PPP4R2: variants seen among roughly 807,000 people sequenced by gnomAD.
PPP4R2 encodes protein phosphatase 4 regulatory subunit 2, also known as serine/threonine-protein phosphatase 4 regulatory subunit 2.
Under a neutral mutation model 47.2 loss-of-function variants are expected in PPP4R2, and 13 were observed. That is an observed-to-expected ratio of 0.28 (90% confidence interval 0.18 to 0.44). The LOEUF is 0.44. Ranked by LOEUF, PPP4R2 falls within the 20% of genes least tolerant of loss-of-function variation. PPP4R2 has a pLI of 1.00. For missense variants in PPP4R2, 421 were observed against 491.2 expected (o/e 0.86, Z 1.35); for synonymous variants, 151 against 163.3 (o/e 0.92, Z 0.57).
At chr3:73,060,933 C>G (rs1702845249) in intron 4 of PPP4R2, 90 bp from the exon 5 acceptor site, 1 of 814,404 alleles carries the variant, frequency 1.2e-6, no homozygotes, top group Non-Finnish European at 1.9e-6. Context: ...GGGAATTTAA[C>G]CCACCAGAGT....
chr3:73,015,574 C>T (rs1415766215), intron 2 of PPP4R2, among the ~76,000 whole-genome samples: 1 of 150,918 alleles, frequency 6.6e-6, no homozygotes, highest in Admixed American at 6.6e-5. Flanking sequence ...CTCCCTGGTT[C>T]GAGCGATTCT....
chr3:73,020,010 A>G lies in PPP4R2; in HGVS notation c.116+21852A>G, dbSNP rs146385507. 1.0e-3 allele frequency among the ~76,000 whole-genome samples: 153 copies of G among 152,314 alleles called. No individual in the cohort carries two copies. In the East Asian group the frequency reaches 0.02, roughly 19 times the overall value. ...TTGTTTTATCATTATTTCCTTCTGC[A>G]TCATATGTCACGATTTCTTCAAAAT... On this transcript the variant is annotated intron_variant, in intron 2 of 8. Transcript: ENST00000356692.
intron 2 of PPP4R2, among the ~76,000 whole-genome samples, chr3:73,021,900 A>T (rs866473937): frequency 0.013 from 1,548 of 114,768 alleles, 24 homozygotes; most frequent in Non-Finnish European, 0.017. Context: ...ATATATATAT[A>T]TTTTTTTTTT....
intron 2 of PPP4R2, among the ~76,000 whole-genome samples, chr3:73,012,072 A>G (rs776220304): frequency 3.3e-5 from 5 of 152,180 alleles, no homozygotes; most frequent in Admixed American, 6.6e-5. Context: ...TATGTGGGTG[A>G]TTGGTTCCAG....
rs73838450 is a variant in PPP4R2, at chr3:73,038,345, A to G, written c.117-8841A>G. ...GGGAGGAGTCTATGTTGGTATAGTA[A>G]TAGATTCTAGGGACATTTTTTTTTC... is the stretch of plus-strand genomic sequence containing the variant. On this transcript the variant is annotated intron_variant, in intron 2 of 8. Transcript: ENST00000356692. Among the ~76,000 whole-genome samples the G allele has an allele frequency of 6.9e-3, 1,047 of 152,180 alleles. 10 individuals are homozygous for G. The highest frequency in any genetic ancestry group is 0.024 in the African/African-American group (985 of 41,510).
intron 2 of PPP4R2, among the ~76,000 whole-genome samples, chr3:73,034,341 G>T (rs1377200384): frequency 4.6e-5 from 7 of 152,064 alleles, no homozygotes; most frequent in Non-Finnish European, 1.0e-4. Context: ...TATAGTTTTT[G>T]TGTGTGTAGA....
intron 5 of PPP4R2, chr3:73,063,082 C>T (rs1294504954): frequency 1.6e-6 from 1 of 621,858 alleles, no homozygotes; most frequent in South Asian, 2.3e-5. Context: ...ACTTTGCCAC[C>T]CCATTATTGG....
rs374447067 is a variant in PPP4R2, at chr3:73,060,330, T to C, written c.382-693T>C. Among the ~76,000 whole-genome samples the C allele has an allele frequency of 7.2e-5, 11 of 152,320 alleles. 1 individual carries two copies. The highest frequency in any genetic ancestry group is 2.6e-4 in the African/African-American group (11 of 41,568). ...GCTCCAGGAGTTGTAATAATTACATTTTGGAGATTTTCAGATAAAGTAGCA... is the reference window on the plus strand; with the variant it reads ...GCTCCAGGAGTTGTAATAATTACATCTTGGAGATTTTCAGATAAAGTAGCA... On this transcript the variant is annotated intron_variant, in intron 4 of 8. Coordinates refer to ENST00000356692, the MANE Select transcript of PPP4R2 (RefSeq NM_174907.4).
rs752008242 is a variant in PPP4R2 at position 73,016,729 on chromosome 3, G to GTTTCTTT, written c.116+18574_116+18575insCTTTTTT. 2.5e-3 allele frequency among the ~76,000 whole-genome samples: 172 copies of GTTTCTTT among 69,868 alleles called. 39 individuals are homozygous for GTTTCTTT. Among genetic ancestry groups the GTTTCTTT allele is most frequent in the African/African-American group, 6.7e-3 (99 of 14,794 alleles). The allele number at this position is 69,868 out of a possible 152,430, so 45.8% of individuals were successfully genotyped here. ...TGTTAACTAGCTTTATTGGTTCATTGTTTATTTTTATTATTTTTTTTTTTT... is the reference window on the plus strand; with the variant it reads ...TGTTAACTAGCTTTATTGGTTCATTGTTTCTTTTTTATTTTTATTATTTTTTTTTTTT... On this transcript the variant is annotated intron_variant, in intron 2 of 8. Transcript: ENST00000356692.
intron 2 of PPP4R2, among the ~76,000 whole-genome samples, chr3:73,011,664 A>T (rs1012298189): frequency 6.6e-6 from 1 of 152,130 alleles, no homozygotes; most frequent in African/African-American, 2.4e-5. Context: ...TACCCTTAAC[A>T]TTTGTAATTT....
At chr3:73,015,416 A>C (rs1701806015) in intron 2 of PPP4R2, among the ~76,000 whole-genome samples, 1 of 151,042 alleles carries the variant, frequency 6.6e-6, no homozygotes, top group Non-Finnish European at 1.5e-5. Context: ...GCCTCAAGTA[A>C]TCCACCCGCG....
chr3:73,035,814 C>T (rs368819540), intron 2 of PPP4R2, among the ~76,000 whole-genome samples: 5 of 151,964 alleles, frequency 3.3e-5, no homozygotes, highest in East Asian at 1.9e-4. Context: ...TTAGTAGAGA[C>T]GGGCTTTCAC....
intron 3 of PPP4R2, among the ~76,000 whole-genome samples, chr3:73,052,233 A>G (rs1433435588): frequency 8.5e-6 from 1 of 117,776 alleles, no homozygotes; most frequent in Non-Finnish European, 1.8e-5. Flanking sequence ...GGAATGCTTA[A>G]TTTCTTTCTT....
At chr3:73,049,660 A>G (rs1396158411) in intron 3 of PPP4R2, among the ~76,000 whole-genome samples, 1 of 151,876 alleles carries the variant, frequency 6.6e-6, no homozygotes, top group Non-Finnish European at 1.5e-5. Context: ...CTTTGTAAGC[A>G]TATTTACTTG....
chr3:72,999,416 C>G (rs1195398117), intron 2 of PPP4R2, among the ~76,000 whole-genome samples: 2 of 152,164 alleles, frequency 1.3e-5, no homozygotes, highest in African/African-American at 4.8e-5. Context: ...CTTAGACTGC[C>G]ACTATTCCTC....
intron 2 of PPP4R2, among the ~76,000 whole-genome samples, chr3:73,032,501 A>C (rs1012002441): frequency 3.9e-5 from 6 of 151,976 alleles, no homozygotes; most frequent in Admixed American, 6.6e-5. Flanking sequence ...GTTGGCCAGG[A>C]TGGTCTTGAT....
intron 2 of PPP4R2, among the ~76,000 whole-genome samples, chr3:73,020,672 T>TAAAAAAAA (rs1553646728): frequency 4.5e-5 from 6 of 133,224 alleles, no homozygotes; most frequent in South Asian, 2.5e-4. Context: ...CCTGTCTCTT[T>TAAAAAAAA]AAAAAAAAAA....
At chr3:73,042,077 A>C (rs559603188) in intron 2 of PPP4R2, among the ~76,000 whole-genome samples, 1 of 152,206 alleles carries the variant, frequency 6.6e-6, no homozygotes, top group Non-Finnish European at 1.5e-5. Context: ...ATGGTGATTA[A>C]TTTCAGTACA....
At chr3:73,032,562 C>T (rs1206103650) in intron 2 of PPP4R2, among the ~76,000 whole-genome samples, 1 of 152,202 alleles carries the variant, frequency 6.6e-6, no homozygotes, top group East Asian at 1.9e-4. Flanking sequence ...GCTGGGATTA[C>T]AGGCGTGAGC....
Sources: allele counts gnomAD v4.1 joint callset (sites outside exome capture counted in the v4.1 genomes callset), GRCh38; gene constraint gnomAD v4.1.1; transcripts MANE v1.5; gene names NCBI Gene and HGNC (gene_info 2026-07-23, HGNC 2026-07-21).